XRRA1: variants seen among roughly 807,000 people sequenced by gnomAD.
The protein encoded by XRRA1 is X-ray radiation resistance-associated protein 1.
XRRA1 carries 69 observed loss-of-function variants against 80.2 expected under a neutral mutation model. The observed-to-expected ratio is 0.86, with a 90% CI of 0.71 to 1.05. The LOEUF is 1.05. Among genes scored for constraint, XRRA1 ranks in the 50% least tolerant of loss-of-function variants. The probability of loss-of-function intolerance (pLI) is 0.00; values close to 1 mark genes in which losing one functional copy is unlikely to be tolerated. For missense variants in XRRA1, 967 were observed against 976.4 expected, an observed-to-expected ratio of 0.99 and a Z score of 0.13; for synonymous variants, 348 against 389.9, an observed-to-expected ratio of 0.89 and a Z score of 1.27.
intron 10 of XRRA1, among the ~76,000 whole-genome samples, chr11:74,880,106 T>G (rs911649326): frequency 1.3e-5 from 2 of 152,098 alleles, no homozygotes; most frequent in African/African-American, 4.8e-5. Flanking sequence ...GGACTCTTTT[T>G]GGTTGGTAAG....
At chr11:74,933,689 C>T (rs1944210596) in intron 5 of XRRA1, 112 bp downstream of exon 5, 2 of 895,150 alleles carry the variant, frequency 2.2e-6, no homozygotes, top group Non-Finnish European at 1.7e-6. Context: ...TTCTTCGTGA[C>T]CAGATTTCCA....
At chr11:74,865,424 G>T (rs2043194164) in intron 10 of XRRA1, among the ~76,000 whole-genome samples, 1 of 152,188 alleles carries the variant, frequency 6.6e-6, no homozygotes, top group Admixed American at 6.5e-5. Flanking sequence ...GATCCCAAGG[G>T]GGCCTATGGT....
chr11:74,889,871 C>T (rs1217634767), intron 10 of XRRA1, among the ~76,000 whole-genome samples: 1 of 152,150 alleles, frequency 6.6e-6, no homozygotes, highest in Non-Finnish European at 1.5e-5. Flanking sequence ...TATATATGCA[C>T]CCAATACAGG....
intron 10 of XRRA1, among the ~76,000 whole-genome samples, chr11:74,882,759 G>T (rs1415878254): frequency 6.6e-6 from 1 of 152,184 alleles, no homozygotes; most frequent in Non-Finnish European, 1.5e-5. Context: ...GTCTGTTGGA[G>T]TACCCTGCCG....
chr11:74,924,893 CATTT>C (rs1360071450), intron 7 of XRRA1, among the ~76,000 whole-genome samples: 16 of 152,180 alleles, frequency 1.1e-4, no homozygotes, highest in Admixed American at 2.0e-4. Context: ...GCTCATTTCT[CATTT>C]GTTTACATAT....
At chr11:74,896,172 A>G (rs1403765017) in intron 10 of XRRA1, among the ~76,000 whole-genome samples, 1 of 152,244 alleles carries the variant, frequency 6.6e-6, no homozygotes, top group Non-Finnish European at 1.5e-5. Context: ...TTTGTCTTGC[A>G]CCATTGGCAC....
intron 10 of XRRA1, chr11:74,863,513 G>A (rs1165294136): frequency 1.3e-5 from 2 of 158,798 alleles, no homozygotes; most frequent in Non-Finnish European, 1.4e-5. Flanking sequence ...AGAATGTGTT[G>A]AGCCAGTGAA....
At chr11:74,928,929 T>C (rs1054718595) in intron 6 of XRRA1, among the ~76,000 whole-genome samples, 2 of 152,184 alleles carry the variant, frequency 1.3e-5, no homozygotes, top group South Asian at 4.1e-4. Flanking sequence ...CAATGCTGGC[T>C]GTCATCAGCC....
chr11:74,852,086 T>G lies in XRRA1; in HGVS notation c.1171-4A>C. 6.2e-7 allele frequency: 1 copy of G among 1,613,054 alleles called. No homozygotes were observed. Among genetic ancestry groups the G allele is most frequent in the Non-Finnish European group, 8.5e-7 (1 of 1,179,054 alleles). ...GGACAGCATCCTCTTTTGCGATCTG[T>G]AATGAATGCAGGAGAGACTCTCAGG... On this transcript the variant is annotated splice_region_variant and splice_polypyrimidine_tract_variant and intron_variant, in intron 12 of 18. Transcript: ENST00000684022.
intron 9 of XRRA1, chr11:74,906,846 A>G (rs1215100847): frequency 5.0e-6 from 2 of 399,020 alleles, no homozygotes; most frequent in Non-Finnish European, 8.9e-6. Flanking sequence ...ATTTTAAAAA[A>G]TTTTCCTGTC....
intron 8 of XRRA1, among the ~76,000 whole-genome samples, chr11:74,909,291 C>A (rs1164772524): frequency 6.6e-6 from 1 of 152,130 alleles, no homozygotes; most frequent in African/African-American, 2.4e-5. Flanking sequence ...GTGCCCTTTC[C>A]TCTTTCTGGA....
At chr11:74,857,547 C>G (rs934753293) in intron 12 of XRRA1, among the ~76,000 whole-genome samples, 6 of 152,168 alleles carry the variant, frequency 3.9e-5, no homozygotes, top group Non-Finnish European at 5.9e-5. Flanking sequence ...ACACACTGCT[C>G]TCAGTGATTG....
At chr11:74,847,971 G>C (rs2038733815) in intron 15 of XRRA1, 144 bp downstream of exon 15, 1 of 709,696 alleles carries the variant, frequency 1.4e-6, no homozygotes, top group African/African-American at 1.8e-5. Flanking sequence ...AGGCTTGCAA[G>C]CTCCACCAAG....
chr11:74,946,220 G>A (rs2140107094), intron 1 of XRRA1, among the ~76,000 whole-genome samples: 1 of 152,240 alleles, frequency 6.6e-6, no homozygotes, highest in Middle Eastern at 3.4e-3. Context: ...TGGGATTACA[G>A]GCGTGAACCC....
In XRRA1 at chr11:74,906,327, C is replaced by T; in HGVS notation, c.915G>A (p.Met305Ile). The change falls in exon 10 of 19, where the codon ATG becomes ATA. Residue 305 changes from methionine (M) to isoleucine (I), a missense_variant. Coordinates refer to ENST00000684022, the MANE Select transcript of XRRA1 (RefSeq NM_001378157.1). ...RGSPHKEPQF[M>I]LQSKPRMLED... ...CAAGCATCCTTGGCTTGGACTGCAG[C>T]ATGAATTGGGGCTCTTTATGGGGAC... The T allele has an allele frequency of 1.9e-6, 3 of 1,614,026 alleles. No individual in the cohort carries two copies. Among genetic ancestry groups the T allele is most frequent in the Non-Finnish European group, 2.5e-6 (3 of 1,179,892 alleles).
chr11:74,886,228 A>G (rs2048986406), intron 10 of XRRA1, among the ~76,000 whole-genome samples: 1 of 152,164 alleles, frequency 6.6e-6, no homozygotes, highest in East Asian at 1.9e-4. Context: ...CAGGCAGGAG[A>G]AAGAAATGAG....
rs868168970 is a variant in XRRA1, at chr11:74,936,806, A to G, written c.279+78T>C. On this transcript the variant is annotated intron_variant, in intron 4 of 18. Coordinates refer to ENST00000684022, the MANE Select transcript of XRRA1 (RefSeq NM_001378157.1). ...GGAGTAGATTGGGGGTAGTTGTGCC[A>G]GAGCAGGGCAAATCCTTCCCCACTT... 9 of 1,474,774 alleles carry G rather than the reference A, an allele frequency of 6.1e-6. No homozygotes were observed. The African/African-American group carries it at 9.9e-5, about 16-fold the overall frequency. 91.4% of individuals were successfully genotyped at this position (1,474,774 alleles called of 1,614,324 possible).
At chr11:74,892,169 A>G (rs1377076674) in intron 10 of XRRA1, among the ~76,000 whole-genome samples, 1 of 152,232 alleles carries the variant, frequency 6.6e-6, no homozygotes, top group African/African-American at 2.4e-5. Context: ...ACAAGGCTAC[A>G]GTAACCAAAA....
chr11:74,856,965 G>A (rs2041252617), intron 12 of XRRA1, among the ~76,000 whole-genome samples: 2 of 152,244 alleles, frequency 1.3e-5, no homozygotes, highest in East Asian at 3.9e-4. Context: ...TGCTGGGAGA[G>A]GGGTAGGACC....
Sources: gnomAD v4.1 joint callset for allele counts (sites outside exome capture counted in the v4.1 genomes callset) on GRCh38, gnomAD v4.1.1 for gene constraint, MANE v1.5 for transcripts, NCBI Gene and HGNC (gene_info 2026-07-23, HGNC 2026-07-21) for gene names.